The following ASGR1 variants were observed in gnomAD, a reference collection of about 807,000 sequenced individuals.
The protein encoded by ASGR1 is asialoglycoprotein receptor 1, also known as C-type lectin domain family 4 member H1.
A neutral mutation model predicts 33.1 loss-of-function variants in ASGR1; 35 were observed. The ratio of observed to expected loss-of-function variants is 1.06; its 90% confidence interval spans 0.81 to 1.40. The LOEUF (loss-of-function observed/expected upper bound fraction) is 1.40, where lower values mean the gene tolerates loss of function less well. Ranked by LOEUF, ASGR1 falls within the 40% of genes most tolerant of loss-of-function variation. ASGR1 has a pLI of 0.00. For synonymous variants in ASGR1, 142 were observed against 152.5 expected, an observed-to-expected ratio of 0.93 and a Z score of 0.51; for missense variants, 396 against 373.7, an observed-to-expected ratio of 1.06 and a Z score of -0.49.
At chr17:7,174,682 C>T (rs1169599242) in intron 5 of ASGR1, among the ~76,000 whole-genome samples, 2 of 150,328 alleles carry the variant, frequency 1.3e-5, no homozygotes, top group African/African-American at 4.9e-5. Context: ...ACACACAACA[C>T]ATCCTAACAC....
chr17:7,175,750 C>A (rs528954595), intron 5 of ASGR1, among the ~76,000 whole-genome samples: 1 of 150,450 alleles, frequency 6.6e-6, no homozygotes. Flanking sequence ...CACAAACACC[C>A]ATCCACACTC....
In ASGR1 at chr17:7,174,399, ACAGCT is replaced by A; in HGVS notation, c.412_416del (p.Cys139AspfsTer37). The A allele has an allele frequency of 2.5e-6, 4 of 1,613,968 alleles. No homozygotes were observed. The highest frequency in any genetic ancestry group is 3.4e-6 in the Non-Finnish European group (4 of 1,179,942). ...CATTGCCCTGGAGCGCCGCCATCTG[ACAGCT>A]CAGGCTCCGCAGGTCAGACACGAAC... On this transcript the variant is annotated frameshift_variant, in exon 6 of 9. Coordinates refer to ENST00000269299, the MANE Select transcript of ASGR1 (RefSeq NM_001671.5). LOFTEE classifies it high-confidence loss of function.
chr17:7,174,760 A>G (rs1481154203), intron 5 of ASGR1, among the ~76,000 whole-genome samples: 1 of 150,986 alleles, frequency 6.6e-6, no homozygotes, highest in Non-Finnish European at 1.5e-5. Flanking sequence ...CGGACAACAC[A>G]CAAAACACAA....
chr17:7,175,652 TTCTC>T (rs1392270758), intron 5 of ASGR1, among the ~76,000 whole-genome samples: 1 of 148,280 alleles, frequency 6.7e-6, no homozygotes, highest in African/African-American at 2.5e-5. Flanking sequence ...CACTGACACA[TTCTC>T]ACACACATAA....
chr17:7,174,286 G>C lies in ASGR1; in HGVS notation c.446C>G (p.Ser149Ter), dbSNP rs2069168314. ...CQMAALQGNG[S>*]ERTCCPVNWV... ...GTTGACCGGGCAGCAGGTCCTTTCT[G>C]AGCCTGAGCGGGAGAAACGGGGCGC... The change falls in exon 7 of 9, where the codon TCA becomes TGA. Residue 149 changes from serine to a stop codon, truncating the protein, a stop_gained. Coordinates refer to ENST00000269299, the MANE Select transcript of ASGR1 (RefSeq NM_001671.5). LOFTEE classifies it high-confidence loss of function. 1 of 1,613,884 alleles carries C rather than the reference G, an allele frequency of 6.2e-7. No individual in the cohort carries two copies. The highest frequency in any genetic ancestry group is 8.5e-7 in the Non-Finnish European group (1 of 1,179,864).
chr17:7,177,767 G>A (rs2069234846), intron 2 of ASGR1: 1 of 176,362 alleles, frequency 5.7e-6, no homozygotes, highest in Non-Finnish European at 1.2e-5. Context: ...GAGAGAAGGT[G>A]CAATAGCTAC....
chr17:7,173,857 C>T lies in ASGR1; in HGVS notation c.702-24G>A. On this transcript the variant is annotated intron_variant, in intron 8 of 8. Transcript: ENST00000269299. The surrounding 1 kb of genome is among the most constrained non-coding windows in gnomAD (Gnocchi z 4.7). ...TCCTGGGGACAGAGCCAGCTGTGGGCCCCAGGAGGTCGGATCCGCAGGCGG... is the reference window on the plus strand; with the variant it reads ...TCCTGGGGACAGAGCCAGCTGTGGGTCCCAGGAGGTCGGATCCGCAGGCGG... The T allele has an allele frequency of 1.9e-6, 3 of 1,607,312 alleles. No individual in the cohort carries two copies. The highest frequency in any genetic ancestry group is 2.5e-6 in the Non-Finnish European group (3 of 1,177,464).
Position 7,173,503 on chromosome 17 carries a change from A to G in ASGR1, c.*156T>C. ...TAACCTGCAAACTGCAGAAAGCGCCACGGGTTTCAAGCTCCTCACCTTCGG... is the reference window on the plus strand; with the variant it reads ...TAACCTGCAAACTGCAGAAAGCGCCGCGGGTTTCAAGCTCCTCACCTTCGG... On this transcript the variant is annotated 3_prime_UTR_variant, in exon 9 of 9. Transcript: ENST00000269299. This position sits in a 1 kb window ranked among gnomAD's most constrained non-coding sequence, Gnocchi z 4.7. 1 of 1,041,764 alleles carries G rather than the reference A, an allele frequency of 9.6e-7. No homozygotes were observed. 64.5% of individuals were successfully genotyped at this position (1,041,764 alleles called of 1,614,324 possible). A position where few individuals can be genotyped will look rare whatever the true frequency, so the allele number is the denominator to read the frequency against.
Position 7,174,122 on chromosome 17 carries a change from C to T in ASGR1, c.594+16G>A, listed in dbSNP as rs748053905. 1.2e-6 allele frequency: 2 copies of T among 1,614,060 alleles called. No individual in the cohort carries two copies. ...CTCCGAGGCCAGCCAGCCTCCCAGA[C>T]CCTCCGGGTCCTCACCTGCTCCTCC... On this transcript the variant is annotated intron_variant, in intron 7 of 8. Transcript: ENST00000269299.
Position 7,174,412 on chromosome 17 carries a change from C to G in ASGR1, c.404G>C (p.Arg135Pro). The G allele has an allele frequency of 6.2e-7, 1 of 1,613,902 alleles. No individual in the cohort carries two copies. Among genetic ancestry groups the G allele is most frequent in the Non-Finnish European group, 8.5e-7 (1 of 1,179,946 alleles). The change falls in exon 6 of 9, where the codon CGG (arginine) becomes CCG (proline). Residue 135 changes from arginine to proline, a missense_variant. Physicochemically the swap from Arg to Pro is moderately radical, Grantham distance 103 (BLOSUM62 -2). Transcript: ENST00000269299. Reference sequence around the variant, plus strand: ...CGCCGCCATCTGACAGCTCAGGCTCCGCAGGTCAGACACGAACTGCTTCAC... The same window carrying G: ...CGCCGCCATCTGACAGCTCAGGCTCGGCAGGTCAGACACGAACTGCTTCAC... ...LHVKQFVSDL[R>P]SLSCQMAALQ...
rs766229459 is a variant in ASGR1 at position 7,173,662 on chromosome 17, A to T, written c.873T>A (p.Leu291=). 1.2e-6 allele frequency: 2 copies of T among 1,613,100 alleles called. No homozygotes were observed. Among genetic ancestry groups the T allele is most frequent in the Non-Finnish European group, 1.7e-6 (2 of 1,179,996 alleles). ...GTCGAGGCATTGAAGAAATAAATTA[A>T]AGGAGAGGTGGCTCCTGGCTGGCCT... ...LDKASQEPPL[L] Residue 291 remains leucine, a synonymous_variant, in exon 9 of 9, where the codon CTT becomes CTA. Transcript: ENST00000269299. This position sits in a 1 kb window ranked among gnomAD's most constrained non-coding sequence, Gnocchi z 4.7.
In ASGR1 at chr17:7,178,494, C is replaced by G. The variant is rs145652363; in HGVS notation, c.70G>C (p.Gly24Arg). 3.7e-6 allele frequency: 6 copies of G among 1,613,934 alleles called. No homozygotes were observed. In the African/African-American group the frequency reaches 8.0e-5, roughly 22 times the overall value. ...AGAGGCAGGGCAAGGTGGCCCTCAC[C>G]TTTTCTGAGCTGATGGTGGTCACTC... ...EESDHHQLRK[G>R]PPPPQPLLQR... Residue 24 changes from glycine to arginine, a missense_variant and splice_region_variant, in exon 2 of 9, where the codon GGG becomes CGG. Transcript: ENST00000269299.
Position 7,176,961 on chromosome 17 carries a change from C to A in ASGR1, c.283+20G>T. On this transcript the variant is annotated intron_variant, in intron 4 of 8. Coordinates refer to ENST00000269299, the MANE Select transcript of ASGR1 (RefSeq NM_001671.5). Reference sequence around the variant, plus strand: ...CCCCCAGCCCCAGCCCCAGCCCCAGCCCCGCCCCAGCGCCCTCACCCTGGG... The same window carrying A: ...CCCCCAGCCCCAGCCCCAGCCCCAGACCCGCCCCAGCGCCCTCACCCTGGG... 6.2e-7 allele frequency: 1 copy of A among 1,601,054 alleles called. No individual in the cohort carries two copies. The highest frequency in any genetic ancestry group is 8.5e-7 in the Non-Finnish European group (1 of 1,176,332).
At chr17:7,177,102 A>G (rs2069227261) in intron 3 of ASGR1, 26 bp from the exon 4 acceptor site, 2 of 1,613,616 alleles carry the variant, frequency 1.2e-6, no homozygotes, top group Non-Finnish European at 1.7e-6. Context: ...TGCAGAGAGA[A>G]GAAAACGGGA....
rs1199726203 is a variant in ASGR1 at position 7,179,214 on chromosome 17, T to C, written c.-50A>G. On this transcript the variant is annotated 5_prime_UTR_variant, in exon 1 of 9. Coordinates refer to ENST00000269299, the MANE Select transcript of ASGR1 (RefSeq NM_001671.5). ...CTTGCTCAGGGTCTCAGGGTCTGAT[T>C]CCCAGGTTCTTCAGTGCTGTGCAGA... 5 of 152,792 alleles carry C rather than the reference T, an allele frequency of 3.3e-5. No homozygotes were observed. Among genetic ancestry groups the C allele is most frequent in the African/African-American group, 1.2e-4 (5 of 41,374 alleles). The allele number at this position is 152,792 out of a possible 1,614,324, so 9.5% of individuals were successfully genotyped here. A position where few individuals can be genotyped will look rare whatever the true frequency, so the allele number is the denominator to read the frequency against.
chr17:7,176,641 C>G lies in ASGR1; in HGVS notation c.355+189G>C, dbSNP rs1018410805. On this transcript the variant is annotated intron_variant, in intron 5 of 8. Transcript: ENST00000269299. ...ACATACACACTCCCTCTCATTCTCA[C>G]ATCCACACAAGGCTCTCATACACAC... 22 of 732,188 alleles carry G rather than the reference C, an allele frequency of 3.0e-5. No homozygotes were observed. The South Asian group carries it at 3.7e-4, about 12-fold the overall frequency. 45.4% of individuals were successfully genotyped at this position (732,188 alleles called of 1,614,324 possible).
chr17:7,173,467 GTT>G lies in ASGR1; in HGVS notation c.*190_*191del. 1 of 648,746 alleles carries G rather than the reference GTT, an allele frequency of 1.5e-6. No homozygotes were observed. Among genetic ancestry groups the G allele is most frequent in the Non-Finnish European group, 2.5e-6 (1 of 402,410 alleles). 40.2% of individuals were successfully genotyped at this position (648,746 alleles called of 1,614,324 possible). On this transcript the variant is annotated 3_prime_UTR_variant, in exon 9 of 9. Coordinates refer to ENST00000269299, the MANE Select transcript of ASGR1 (RefSeq NM_001671.5). The surrounding 1 kb of genome is among the most constrained non-coding windows in gnomAD (Gnocchi z 4.7). ...TTCTTTTTACTCTTAAAAAAAAAAA[GTT>G]CACAATGATAACCTGCAAACTGCAG... is the stretch of plus-strand genomic sequence containing the variant.
intron 1 of ASGR1, 104 bp from the exon 2 acceptor site, chr17:7,178,692 G>A (rs1005477671): frequency 9.3e-6 from 6 of 641,992 alleles, no homozygotes; most frequent in African/African-American, 5.6e-5. Context: ...GCTCCATCAT[G>A]GAGACCTTTC....
chr17:7,179,287 ACAGCCGTGGACAATGGGAGGGGAGCGGG>A lies in ASGR1; in HGVS notation c.-151_-124del, dbSNP rs2069250069. 6.6e-6 allele frequency: 1 copy of A among 152,306 alleles called. No homozygotes were observed. Among genetic ancestry groups the A allele is most frequent in the African/African-American group, 2.4e-5 (1 of 41,368 alleles). The allele number at this position is 152,306 out of a possible 1,614,324, so 9.4% of individuals were successfully genotyped here. ...AAGCTTGGAGAATGGGGGTGGGCGG[ACAGCCGTGGACAATGGGAGGGGAGCGGG>A]CAGGGTCCATAGGAGGGCCCTGGGC... On this transcript the variant is annotated 5_prime_UTR_variant, in exon 1 of 9. An upstream open reading frame in the 5' UTR gains an earlier in-frame stop. Coordinates refer to ENST00000269299, the MANE Select transcript of ASGR1 (RefSeq NM_001671.5).
Sources: allele counts gnomAD v4.1 joint callset (sites outside exome capture counted in the v4.1 genomes callset), GRCh38; gene constraint gnomAD v4.1.1; non-coding constraint Gnocchi (gnomAD v3.1); transcripts MANE v1.5; gene names NCBI Gene and HGNC (gene_info 2026-07-23, HGNC 2026-07-21).